Variants in CRIM1 observed in about 807,000 individuals in gnomAD.
CRIM1 encodes cysteine-rich motor neuron 1 protein.
A neutral mutation model predicts 116.4 loss-of-function variants in CRIM1; 32 were observed. The ratio of observed to expected loss-of-function variants is 0.27; its 90% CI spans 0.21 to 0.37. The LOEUF (loss-of-function observed/expected upper bound fraction) is 0.37. CRIM1 is among the 10% of genes least tolerant of loss of function. The probability of loss-of-function intolerance (pLI) is 1.00; values close to 1 mark genes in which losing one functional copy is unlikely to be tolerated. For missense variants in CRIM1, 1,331 were observed against 1,354.8 expected, an observed-to-expected ratio of 0.98 and a Z score of 0.28; for synonymous variants, 590 against 509.2, an observed-to-expected ratio of 1.16 and a Z score of -2.13.
chr2:36,443,230 C>A (rs939538970), intron 4 of CRIM1, among the ~76,000 whole-genome samples: 2 of 152,158 alleles, frequency 1.3e-5, no homozygotes, highest in Non-Finnish European at 1.5e-5. Flanking sequence ...GAATAACAAA[C>A]ACATCTCTCT....
chr2:36,362,267 T>G (rs1274209980), intron 1 of CRIM1, among the ~76,000 whole-genome samples: 1 of 152,194 alleles, frequency 6.6e-6, no homozygotes, highest in African/African-American at 2.4e-5. Context: ...GTTGTAGGAA[T>G]TAAAGCATCT....
chr2:36,471,108 G>T (rs848555), intron 5 of CRIM1, among the ~76,000 whole-genome samples: 58,897 of 151,958 alleles, frequency 0.39, 13,019 homozygotes, highest in African/African-American at 0.58. Flanking sequence ...TGATAAAACT[G>T]GAAAGGATGA....
At chr2:36,493,657 A>G (rs1181051859) in intron 7 of CRIM1, among the ~76,000 whole-genome samples, 1 of 152,180 alleles carries the variant, frequency 6.6e-6, no homozygotes, top group Non-Finnish European at 1.5e-5. Flanking sequence ...TTCTCAAAGG[A>G]GATAATTAAT....
At position 36,356,959 on chromosome 2, in the gene CRIM1, C is replaced by CG. The variant is rs1291119181; in HGVS notation, c.331+342dup. Reference sequence around the variant, plus strand: ...CTCCCCGAGGTGGGGGCGCCGCGGGCGGGGGGCACTGCAGATTCTGCCGCG... The same window carrying CG: ...CTCCCCGAGGTGGGGGCGCCGCGGGCGGGGGGGCACTGCAGATTCTGCCGCG... On this transcript the variant is annotated intron_variant, in intron 1 of 16. Transcript: ENST00000280527. This position sits in a 1 kb window ranked among gnomAD's most constrained non-coding sequence, Gnocchi z 4.3. Among the ~76,000 whole-genome samples the CG allele has an allele frequency of 6.6e-6, 1 of 151,124 alleles. No individual in the cohort carries two copies. Among genetic ancestry groups the CG allele is most frequent in the Non-Finnish European group, 1.5e-5 (1 of 67,786 alleles).
intron 2 of CRIM1, among the ~76,000 whole-genome samples, chr2:36,414,503 C>T (rs1002765573): frequency 6.6e-6 from 1 of 152,178 alleles, no homozygotes; most frequent in African/African-American, 2.4e-5. Flanking sequence ...GTTCTAGTCC[C>T]CCCCCGAGCT....
chr2:36,431,716 C>T (rs1034926702), intron 2 of CRIM1, among the ~76,000 whole-genome samples: 1 of 152,162 alleles, frequency 6.6e-6, no homozygotes, highest in Non-Finnish European at 1.5e-5. Flanking sequence ...TGAGCAGGAA[C>T]TGAGCATCCT....
intron 8 of CRIM1, among the ~76,000 whole-genome samples, chr2:36,501,633 G>T (rs952772693): frequency 2.0e-5 from 3 of 152,114 alleles, no homozygotes; most frequent in Non-Finnish European, 4.4e-5. Context: ...AAGGTGGGGC[G>T]ATCTCTTGAG....
chr2:36,386,331 CATATT>C (rs1454259894), intron 1 of CRIM1, among the ~76,000 whole-genome samples: 1 of 152,144 alleles, frequency 6.6e-6, no homozygotes. Context: ...ATGGTTGAGG[CATATT>C]ATATTCATTC....
chr2:36,475,452 T>C (rs1036735655), intron 5 of CRIM1, among the ~76,000 whole-genome samples: 1 of 152,244 alleles, frequency 6.6e-6, no homozygotes, highest in Non-Finnish European at 1.5e-5. Flanking sequence ...TTGTTGAACT[T>C]GTTTATACAT....
At chr2:36,481,256 G>A (rs545531797) in intron 7 of CRIM1, among the ~76,000 whole-genome samples, 1 of 152,296 alleles carries the variant, frequency 6.6e-6, no homozygotes, top group South Asian at 2.1e-4. Flanking sequence ...ATGAAGAGTG[G>A]AGAAGGAAGG....
At chr2:36,394,776 A>C (rs1001693820) in intron 1 of CRIM1, among the ~76,000 whole-genome samples, 10 of 152,094 alleles carry the variant, frequency 6.6e-5, no homozygotes, top group Middle Eastern at 3.2e-3. Context: ...GCTTTGATCA[A>C]ATAAGTGAGC....
intron 2 of CRIM1, among the ~76,000 whole-genome samples, chr2:36,408,619 C>T (rs1458561565): frequency 3.3e-5 from 5 of 152,204 alleles, no homozygotes; most frequent in African/African-American, 1.2e-4. Flanking sequence ...CCGCCTCCTG[C>T]AGAGCGGAGC....
chr2:36,426,870 G>C (rs918645595), intron 2 of CRIM1, among the ~76,000 whole-genome samples: 1 of 152,214 alleles, frequency 6.6e-6, no homozygotes, highest in African/African-American at 2.4e-5. Context: ...TTTAATAAAT[G>C]ACTTTCCTGA....
chr2:36,414,178 T>C (rs1005023240), intron 2 of CRIM1, among the ~76,000 whole-genome samples: 2 of 152,188 alleles, frequency 1.3e-5, no homozygotes, highest in Admixed American at 1.3e-4. Flanking sequence ...TTACCGGTGA[T>C]TGTGGGCCAT....
At chr2:36,506,168 C>CTT (rs1244737799) in intron 8 of CRIM1, among the ~76,000 whole-genome samples, 9 of 84,216 alleles carry the variant, frequency 1.1e-4, no homozygotes, top group Non-Finnish European at 1.6e-4. Context: ...CTCTCTCTCT[C>CTT]TCTCTCTCTC....
rs553161093 is a variant in CRIM1 at position 36,404,810 on chromosome 2, C to T, written c.505+8023C>T. Reference sequence around the variant, plus strand: ...TTTTTTCTTTTCATTTTTAAAAGCGCAGATAACAGTTGCCTCAGATCATTA... The same window carrying T: ...TTTTTTCTTTTCATTTTTAAAAGCGTAGATAACAGTTGCCTCAGATCATTA... On this transcript the variant is annotated intron_variant, in intron 2 of 16. Coordinates refer to ENST00000280527, the MANE Select transcript of CRIM1 (RefSeq NM_016441.3). 3.8e-3 allele frequency among the ~76,000 whole-genome samples: 580 copies of T among 152,248 alleles called. 4 individuals carry two copies. The highest frequency in any genetic ancestry group is 0.013 in the African/African-American group (551 of 41,538).
chr2:36,430,430 A>G (rs560721181), intron 2 of CRIM1, among the ~76,000 whole-genome samples: 12 of 152,274 alleles, frequency 7.9e-5, no homozygotes, highest in African/African-American at 2.9e-4. Flanking sequence ...CATTTCTGGG[A>G]AAAAAATACA....
intron 5 of CRIM1, among the ~76,000 whole-genome samples, chr2:36,468,627 C>G (rs1678235597): frequency 6.6e-6 from 1 of 152,202 alleles, no homozygotes; most frequent in African/African-American, 2.4e-5. Context: ...TAACAGCCCT[C>G]CACCTTCGTC....
chr2:36,527,494 A>G (rs1665831854), intron 13 of CRIM1, among the ~76,000 whole-genome samples: 1 of 152,168 alleles, frequency 6.6e-6, no homozygotes, highest in Non-Finnish European at 1.5e-5. Context: ...ACTGGCTGTG[A>G]TACTGTCACT....
Sources: allele counts gnomAD v4.1 joint callset (sites outside exome capture counted in the v4.1 genomes callset), GRCh38; gene constraint gnomAD v4.1.1; non-coding constraint Gnocchi (gnomAD v3.1); transcripts MANE v1.5; gene names NCBI Gene and HGNC (gene_info 2026-07-23, HGNC 2026-07-21).